The following SPART variants were observed in gnomAD, a reference collection of about 807,000 sequenced individuals.
SPART encodes spartin, also known as spastic paraplegia 20 (Troyer syndrome).
A neutral mutation model predicts 58.7 loss-of-function variants in SPART; 35 were observed. That is an observed-to-expected ratio of 0.60 (90% CI 0.46 to 0.79). The LOEUF (loss-of-function observed/expected upper bound fraction) is 0.79, where lower values mean the gene tolerates loss of function less well. Among genes scored for constraint, SPART ranks in the 30% least tolerant of loss-of-function variants. SPART has a pLI of 0.00. For missense variants in SPART, 730 were observed against 786.1 expected (o/e 0.93, Z 0.85); for synonymous variants, 284 against 280.7 (o/e 1.01, Z -0.12).
At chr13:36,365,697 G>C (rs778019158) in intron 1 of SPART, 15 of 427,516 alleles carry the variant, frequency 3.5e-5, no homozygotes, top group South Asian at 2.8e-4. Context: ...GATGCCTTTA[G>C]AACAATGACC....
intron 5 of SPART, 181 bp downstream of exon 5, chr13:36,326,394 C>G (rs117925781): frequency 7.2e-4 from 493 of 681,714 alleles, no homozygotes; most frequent in Non-Finnish European, 9.4e-4. Flanking sequence ...AGAATTTATA[C>G]TTATATGACA....
intron 1 of SPART, among the ~76,000 whole-genome samples, chr13:36,355,245 T>C (rs1435011113): frequency 6.6e-6 from 1 of 152,184 alleles, no homozygotes; most frequent in East Asian, 1.9e-4. Context: ...ACTAAGGCTT[T>C]AAACTCCTGG....
Position 36,335,300 on chromosome 13 carries a change from T to C in SPART, c.531A>G (p.Gln177=), listed in dbSNP as rs1318496392. 14 of 1,614,040 alleles carry C rather than the reference T, an allele frequency of 8.7e-6. No individual in the cohort carries two copies. The highest frequency in any genetic ancestry group is 3.3e-5 in the Admixed American group (2 of 60,000). ...PAEAPPAYTP[Q]AAEGHYTVSY... The stretch of plus-strand genomic sequence containing the variant: ...ATACAGTGTAGTGACCTTCAGCAGC[T>C]TGAGGAGTATAAGCAGGAGGAGCTT... Residue 177 remains glutamine, a synonymous_variant, in exon 2 of 9, where the codon CAA becomes CAG. Coordinates refer to ENST00000438666, the MANE Select transcript of SPART (RefSeq NM_015087.5).
chr13:36,341,309 T>C lies in SPART; in HGVS notation c.-3+4916A>G, dbSNP rs554613452. ...ACATATGTAATTTATACTTTTCTAA[T>C]AACATTAAAAAGGTAAAAAACAGGT... On this transcript the variant is annotated intron_variant, in intron 1 of 8. Coordinates refer to ENST00000438666, the MANE Select transcript of SPART (RefSeq NM_015087.5). Among the ~76,000 whole-genome samples, 10 of 152,338 alleles carry C rather than the reference T, an allele frequency of 6.6e-5. No homozygotes were observed. In the South Asian group the frequency reaches 2.1e-3, roughly 32 times the overall value.
At chr13:36,359,936 A>AC (rs1885781367) in intron 1 of SPART, among the ~76,000 whole-genome samples, 2 of 151,236 alleles carry the variant, frequency 1.3e-5, no homozygotes, top group African/African-American at 2.4e-5. Context: ...AAAAAAAAAA[A>AC]AAAAAACACC....
chr13:36,340,506 G>A (rs774545306), intron 1 of SPART, among the ~76,000 whole-genome samples: 1 of 151,910 alleles, frequency 6.6e-6, no homozygotes, highest in Non-Finnish European at 1.5e-5. Flanking sequence ...GAGTGCTAAG[G>A]AACTTCTTAA....
intron 1 of SPART, among the ~76,000 whole-genome samples, chr13:36,345,093 C>T (rs1234987135): frequency 6.6e-6 from 1 of 152,154 alleles, no homozygotes; most frequent in African/African-American, 2.4e-5. Context: ...TTAATAATAC[C>T]GCATTTAACT....
chr13:36,368,703 A>C (rs1886162570), intron 1 of SPART, among the ~76,000 whole-genome samples: 1 of 152,194 alleles, frequency 6.6e-6, no homozygotes, highest in South Asian at 2.1e-4. Flanking sequence ...CACAAATATA[A>C]CAATTTAAAA....
intron 4 of SPART, among the ~76,000 whole-genome samples, chr13:36,329,130 G>A (rs1202321063): frequency 6.6e-6 from 1 of 151,968 alleles, no homozygotes; most frequent in East Asian, 1.9e-4. Flanking sequence ...AAACAGTTGG[G>A]AAAAAAATCT....
At chr13:36,333,765 A>C (rs1260953994) in intron 2 of SPART, among the ~76,000 whole-genome samples, 2 of 152,148 alleles carry the variant, frequency 1.3e-5, no homozygotes, top group African/African-American at 4.8e-5. Context: ...ATTACAGTGC[A>C]ACACTATTAG....
intron 2 of SPART, among the ~76,000 whole-genome samples, chr13:36,333,730 G>A (rs1249583447): frequency 6.6e-6 from 1 of 152,056 alleles, no homozygotes; most frequent in Non-Finnish European, 1.5e-5. Context: ...CAGTTGCTAA[G>A]GACCCAAAGA....
At chr13:36,324,062 G>C (rs1415055029) in intron 5 of SPART, among the ~76,000 whole-genome samples, 1 of 152,196 alleles carries the variant, frequency 6.6e-6, no homozygotes, top group African/African-American at 2.4e-5. Context: ...CTGAGATTTA[G>C]TGGCAGCTGA....
chr13:36,333,257 G>A (rs1284801116), intron 2 of SPART, among the ~76,000 whole-genome samples: 1 of 152,010 alleles, frequency 6.6e-6, no homozygotes, highest in Non-Finnish European at 1.5e-5. Flanking sequence ...GGTTTAAAAA[G>A]TATTTGGTAT....
At chr13:36,322,434 G>A (rs552017605) in intron 5 of SPART, among the ~76,000 whole-genome samples, 6 of 152,196 alleles carry the variant, frequency 3.9e-5, no homozygotes, top group Admixed American at 3.9e-4. Context: ...GTAACAGAGC[G>A]AGACTCTGTC....
intron 1 of SPART, among the ~76,000 whole-genome samples, chr13:36,368,003 T>A (rs1886133863): frequency 1.3e-5 from 2 of 152,194 alleles, no homozygotes; most frequent in African/African-American, 2.4e-5. Context: ...CAACATGCTT[T>A]AGGGCTAAAT....
Position 36,335,721 on chromosome 13 carries a change from C to T in SPART, c.110G>A (p.Gly37Asp), listed in dbSNP as rs1313655401. 3.1e-6 allele frequency: 5 copies of T among 1,614,014 alleles called. No homozygotes were observed. In the Admixed American group the frequency reaches 8.3e-5, roughly 27 times the overall value. Residue 37 changes from glycine to aspartate, a missense_variant, in exon 2 of 9, where the codon GGT becomes GAT. Transcript: ENST00000438666. ...VNKGLNTDELGQKEEAKNYYK... is the reference protein window; with the variant it reads ...VNKGLNTDELDQKEEAKNYYK... The stretch of plus-strand genomic sequence containing the variant: ...GTAGTTCTTTGCTTCTTCCTTCTGA[C>T]CTAATTCATCTGTATTCAGACCTTT...
At chr13:36,346,544 T>A (rs1423272139), upstream of SPART, 1 of 152,486 alleles carries the variant, frequency 6.6e-6, no homozygotes, top group Non-Finnish European at 1.5e-5. Flanking sequence ...AGCGGATTCA[T>A]CACCGGCCTG....
intron 5 of SPART, chr13:36,326,215 A>G (rs955921410): frequency 9.7e-6 from 3 of 310,212 alleles, no homozygotes; most frequent in African/African-American, 6.7e-5. Flanking sequence ...TTTTGAAGGG[A>G]CACATTCAGA....
intron 2 of SPART, among the ~76,000 whole-genome samples, chr13:36,333,787 A>G (rs1383074302): frequency 6.6e-6 from 1 of 152,124 alleles, no homozygotes; most frequent in Non-Finnish European, 1.5e-5. Flanking sequence ...AGAAACTGTT[A>G]TAGCTTTTAT....
Sources: allele counts gnomAD v4.1 joint callset (sites outside exome capture counted in the v4.1 genomes callset), GRCh38; gene constraint gnomAD v4.1.1; transcripts MANE v1.5; gene names NCBI Gene and HGNC (gene_info 2026-07-23, HGNC 2026-07-21).